SLC24A2: variants seen among roughly 807,000 people sequenced by gnomAD.
SLC24A2 encodes solute carrier family 24 member 2.
SLC24A2 carries 36 observed loss-of-function variants against 62.0 expected under a neutral mutation model. The observed-to-expected ratio is 0.58, with a 90% CI of 0.44 to 0.77. The LOEUF is 0.77. SLC24A2 is among the 30% of genes least tolerant of loss of function. The pLI, the probability that SLC24A2 is intolerant of heterozygous loss-of-function variation, is 0.00. For synonymous variants in SLC24A2, 358 were observed against 294.0 expected, an observed-to-expected ratio of 1.22 and a Z score of -2.23; for missense variants, 846 against 817.9, an observed-to-expected ratio of 1.03 and a Z score of -0.42.
the SLC24A2 span, among the ~76,000 whole-genome samples, chr9:20,145,620 T>C: frequency 0.14 from 1,806 of 12,602 alleles, 39 homozygotes; most frequent in African/African-American, 0.33. Context: ...TGTGTGTGTG[T>C]GCACGTGTGC....
intron 2 of SLC24A2, among the ~76,000 whole-genome samples, chr9:19,747,510 T>C (rs1821867832): frequency 6.6e-6 from 1 of 152,184 alleles, no homozygotes; most frequent in African/African-American, 2.4e-5. Flanking sequence ...TAACTAATAC[T>C]GATAAAGTGC....
the SLC24A2 span, among the ~76,000 whole-genome samples, chr9:20,118,148 G>T: frequency 6.6e-6 from 1 of 151,956 alleles, no homozygotes; most frequent in Admixed American, 6.6e-5. Flanking sequence ...GCTCATAGGC[G>T]ACTTATCTAC....
At chr9:19,708,278 A>G (rs1410256394) in intron 2 of SLC24A2, among the ~76,000 whole-genome samples, 1 of 152,302 alleles carries the variant, frequency 6.6e-6, no homozygotes, top group East Asian at 1.9e-4. Context: ...ATGGAAGAAC[A>G]TTCCATGCTC....
At chr9:20,159,155 G>A in the SLC24A2 span, among the ~76,000 whole-genome samples, 3 of 151,498 alleles carry the variant, frequency 2.0e-5, no homozygotes, top group South Asian at 2.1e-4. Flanking sequence ...TTCAAGAATC[G>A]ACTATATAAA....
At chr9:20,235,820 G>A in the SLC24A2 span, among the ~76,000 whole-genome samples, 12 of 152,278 alleles carry the variant, frequency 7.9e-5, no homozygotes, top group South Asian at 2.1e-4. Flanking sequence ...CTTCTGTGTC[G>A]CTCACGCTGG....
chr9:20,043,925 A>G, the SLC24A2 span, among the ~76,000 whole-genome samples: 3 of 152,230 alleles, frequency 2.0e-5, no homozygotes, highest in Non-Finnish European at 4.4e-5. Context: ...CACATGCTAC[A>G]GAAAAAAATC....
the SLC24A2 span, among the ~76,000 whole-genome samples, chr9:19,997,842 G>T: frequency 6.6e-6 from 1 of 152,140 alleles, no homozygotes; most frequent in Admixed American, 6.5e-5. Flanking sequence ...GTCCCTCACT[G>T]CAAAAGAGAA....
upstream of SLC24A2, among the ~76,000 whole-genome samples, chr9:19,792,428 C>T (rs529874999): frequency 6.6e-6 from 1 of 151,358 alleles, no homozygotes; most frequent in East Asian, 1.9e-4. Flanking sequence ...GGTGTGGTGG[C>T]TCACGCCTTT....
At chr9:20,012,597 G>A in the SLC24A2 span, among the ~76,000 whole-genome samples, 1 of 152,074 alleles carries the variant, frequency 6.6e-6, no homozygotes, top group African/African-American at 2.4e-5. Context: ...AAGTAAAATT[G>A]TCTCTATTGG....
At chr9:19,747,933 A>G (rs1324326554) in intron 2 of SLC24A2, among the ~76,000 whole-genome samples, 1 of 152,188 alleles carries the variant, frequency 6.6e-6, no homozygotes, top group Non-Finnish European at 1.5e-5. Context: ...ATAAACTGCC[A>G]GAGATCACAA....
At chr9:20,307,803 T>A in the SLC24A2 span, among the ~76,000 whole-genome samples, 18 of 152,202 alleles carry the variant, frequency 1.2e-4, no homozygotes, top group Middle Eastern at 3.2e-3. Context: ...CAGAAGGTGC[T>A]GGGATAACAT....
intron 2 of SLC24A2, among the ~76,000 whole-genome samples, chr9:19,630,685 T>A (rs1404792436): frequency 6.6e-6 from 1 of 151,964 alleles, no homozygotes; most frequent in African/African-American, 2.4e-5. Flanking sequence ...GGCAAAAAAA[T>A]AGAGATGCCA....
At chr9:19,984,858 C>T in the SLC24A2 span, among the ~76,000 whole-genome samples, 4 of 152,104 alleles carry the variant, frequency 2.6e-5, no homozygotes, top group Non-Finnish European at 4.4e-5. Flanking sequence ...GGACCCCTAC[C>T]TCACACCCTC....
chr9:20,054,869 C>T, the SLC24A2 span, among the ~76,000 whole-genome samples: 2 of 152,136 alleles, frequency 1.3e-5, no homozygotes, highest in South Asian at 2.1e-4. Context: ...TTAATGTTGC[C>T]TCCTCCACCT....
the SLC24A2 span, among the ~76,000 whole-genome samples, chr9:19,805,580 G>GACACATAGA: frequency 1.3e-5 from 2 of 152,124 alleles, no homozygotes; most frequent in African/African-American, 4.8e-5. Flanking sequence ...AATAGTACCT[G>GACACATAGA]ACACATAGAA....
the SLC24A2 span, among the ~76,000 whole-genome samples, chr9:19,860,166 C>CT: frequency 6.6e-6 from 1 of 152,102 alleles, no homozygotes; most frequent in Non-Finnish European, 1.5e-5. Context: ...AGTTGCACAG[C>CT]TCATGGCTCA....
chr9:19,951,066 A>G, the SLC24A2 span, among the ~76,000 whole-genome samples: 1 of 152,196 alleles, frequency 6.6e-6, no homozygotes. Context: ...AAGAGCAGGT[A>G]AGGGGCTCCT....
Position 19,512,586 on chromosome 9 carries a change from T to G in SLC24A2, c.*3567A>C, listed in dbSNP as rs1832757362. ...TGGAGTTGGCATGGGCATTCTCAGA[T>G]GCAATTTAGGAGTTTCTATTTGGGA... On this transcript the variant is annotated 3_prime_UTR_variant, in exon 11 of 11. Coordinates refer to ENST00000341998, the MANE Select transcript of SLC24A2 (RefSeq NM_020344.4). 1 of 152,222 alleles carries G rather than the reference T, an allele frequency of 6.6e-6. No individual in the cohort carries two copies. The highest frequency in any genetic ancestry group is 1.5e-5 in the Non-Finnish European group (1 of 68,064). 9.4% of individuals were successfully genotyped at this position (152,222 alleles called of 1,614,324 possible).
the SLC24A2 span, among the ~76,000 whole-genome samples, chr9:20,220,616 G>C: frequency 6.6e-6 from 1 of 151,992 alleles, no homozygotes; most frequent in East Asian, 1.9e-4. Context: ...AAAGGCAGTT[G>C]GTTGGTTTGT....
Sources: gnomAD v4.1 joint callset for allele counts (sites outside exome capture counted in the v4.1 genomes callset) on GRCh38, gnomAD v4.1.1 for gene constraint, MANE v1.5 for transcripts, NCBI Gene and HGNC (gene_info 2026-07-23, HGNC 2026-07-21) for gene names.